Variants in CSGALNACT1 observed in about 807,000 individuals in gnomAD.
CSGALNACT1 encodes chondroitin sulfate N-acetylgalactosaminyltransferase 1.
CSGALNACT1 carries 52 observed loss-of-function variants against 51.0 expected under a neutral mutation model. The observed-to-expected ratio is 1.02, with a 90% confidence interval of 0.82 to 1.29. The LOEUF (loss-of-function observed/expected upper bound fraction) is 1.29, where lower values mean the gene tolerates loss of function less well. Ranked by LOEUF, CSGALNACT1 falls within the 50% of genes most tolerant of loss-of-function variation. CSGALNACT1 has a pLI of 0.00. For synonymous variants in CSGALNACT1, 341 were observed against 254.4 expected, an observed-to-expected ratio of 1.34 and a Z score of -3.24; for missense variants, 935 against 679.2, an observed-to-expected ratio of 1.38 and a Z score of -4.19.
At chr8:19,569,710 G>A (rs1011797972) in intron 3 of CSGALNACT1, among the ~76,000 whole-genome samples, 1 of 152,126 alleles carries the variant, frequency 6.6e-6, no homozygotes, top group African/African-American at 2.4e-5. Flanking sequence ...CTAGGCCTAT[G>A]CTATGACCCA....
At chr8:19,743,331 C>G (rs1445328855) in intron 1 of CSGALNACT1, among the ~76,000 whole-genome samples, 1 of 152,094 alleles carries the variant, frequency 6.6e-6, no homozygotes, top group African/African-American at 2.4e-5. Context: ...TGACAGTCAG[C>G]CCAGATTACA....
chr8:19,639,015 G>C (rs1319755375), intron 1 of CSGALNACT1, among the ~76,000 whole-genome samples: 2 of 152,010 alleles, frequency 1.3e-5, no homozygotes, highest in Non-Finnish European at 2.9e-5. Context: ...CACCAATAAA[G>C]AGGTATATCA....
intron 4 of CSGALNACT1, among the ~76,000 whole-genome samples, chr8:19,504,567 C>T (rs181047875): frequency 6.6e-6 from 1 of 152,096 alleles, no homozygotes; most frequent in African/African-American, 2.4e-5. Flanking sequence ...CTAGGCTGTC[C>T]TACGCCCGTG....
intron 1 of CSGALNACT1, among the ~76,000 whole-genome samples, chr8:19,658,350 G>T (rs1275434187): frequency 6.6e-6 from 1 of 152,138 alleles, no homozygotes; most frequent in Non-Finnish European, 1.5e-5. Flanking sequence ...AGCCCAAGGT[G>T]ATTAATATAA....
chr8:19,531,879 T>C (rs2082839460), intron 3 of CSGALNACT1: 1 of 152,314 alleles, frequency 6.6e-6, no homozygotes, highest in Non-Finnish European at 1.5e-5. Context: ...GCTCAATGTC[T>C]TTCCAGCAGA....
At chr8:19,634,170 C>T (rs1191320838) in intron 1 of CSGALNACT1, among the ~76,000 whole-genome samples, 2 of 152,202 alleles carry the variant, frequency 1.3e-5, no homozygotes, top group Admixed American at 6.5e-5. Flanking sequence ...ATTTTGAAAA[C>T]ATATTACTTT....
At chr8:19,469,979 A>G (rs1339257977) in intron 4 of CSGALNACT1, among the ~76,000 whole-genome samples, 4 of 152,190 alleles carry the variant, frequency 2.6e-5, no homozygotes, top group African/African-American at 7.2e-5. Context: ...AATAAATGCA[A>G]TAGGGTAGAA....
chr8:19,716,746 C>T (rs1050754380), intron 1 of CSGALNACT1, among the ~76,000 whole-genome samples: 1 of 151,122 alleles, frequency 6.6e-6, no homozygotes, highest in South Asian at 2.1e-4. Context: ...GGGCCAAGAT[C>T]GTACCACCGC....
At chr8:19,693,478 T>G (rs1158455361) in intron 1 of CSGALNACT1, among the ~76,000 whole-genome samples, 1 of 152,160 alleles carries the variant, frequency 6.6e-6, no homozygotes. Context: ...TCTTTGTAAC[T>G]AAGTACTTTC....
chr8:19,691,292 G>C lies in CSGALNACT1; in HGVS notation c.-297+66558C>G, dbSNP rs138942166. 1.3e-4 allele frequency among the ~76,000 whole-genome samples: 20 copies of C among 152,232 alleles called. No homozygotes were observed. The East Asian group carries it at 3.9e-3, about 29-fold the overall frequency. On this transcript the variant is annotated intron_variant, in intron 1 of 1. Coordinates refer to the CSGALNACT1 transcript ENST00000517494. ...CATAAATTTCAGCCAACGATGCACA[G>C]GCCTCCTCCCAAACACCGCTGAGCA...
At chr8:19,727,762 T>G (rs747953900) in intron 1 of CSGALNACT1, among the ~76,000 whole-genome samples, 1 of 152,178 alleles carries the variant, frequency 6.6e-6, no homozygotes, top group Non-Finnish European at 1.5e-5. Context: ...TTTCCCATCC[T>G]TCCTGACACG....
intron 1 of CSGALNACT1, among the ~76,000 whole-genome samples, chr8:19,741,560 C>CA (rs71545567): frequency 0.35 from 38,003 of 108,470 alleles, 6,442 homozygotes; most frequent in Middle Eastern, 0.42. Flanking sequence ...GAGACTCCAT[C>CA]AAAAAAAAAA....
rs1332245461 is a variant in CSGALNACT1, at chr8:19,601,865, G to A, written c.-510C>T. The A allele has an allele frequency of 3.1e-5, 14 of 453,822 alleles. No individual in the cohort carries two copies. The Admixed American group carries it at 3.3e-4, about 11-fold the overall frequency. The allele number at this position is 453,822 out of a possible 1,614,324, so 28.1% of individuals were successfully genotyped here. On this transcript the variant is annotated splice_region_variant and 5_prime_UTR_variant, in exon 2 of 10. Coordinates refer to ENST00000454498, the Ensembl canonical transcript of CSGALNACT1. ...CGTCTTTCCTTGAAATAGGAAGGCA[G>A]CTAAAATAAAATAAAAACAAAAGGC...
At chr8:19,413,159 C>T (rs141017496) in intron 8 of CSGALNACT1, among the ~76,000 whole-genome samples, 44 of 152,282 alleles carry the variant, frequency 2.9e-4, no homozygotes, top group African/African-American at 1.0e-3. Flanking sequence ...TCATAGAAAA[C>T]ACATTGTGTC....
At chr8:19,715,204 G>A (rs1197010345) in intron 1 of CSGALNACT1, among the ~76,000 whole-genome samples, 1 of 152,132 alleles carries the variant, frequency 6.6e-6, no homozygotes. Flanking sequence ...TCACTACCAC[G>A]AGAACAGTAT....
chr8:19,565,165 G>C (rs535276424), intron 3 of CSGALNACT1, among the ~76,000 whole-genome samples: 3 of 152,166 alleles, frequency 2.0e-5, no homozygotes, highest in African/African-American at 7.2e-5. Context: ...ACAGACTTTC[G>C]AAGTGTTTCT....
intron 3 of CSGALNACT1, among the ~76,000 whole-genome samples, chr8:19,561,436 A>T (rs2040692574): frequency 6.6e-6 from 1 of 152,234 alleles, no homozygotes; most frequent in Admixed American, 6.5e-5. Context: ...GATGAAAAAT[A>T]ATGGTGGAGG....
chr8:19,404,561 A>G (rs1392541780), exon 10 of CSGALNACT1: 1 of 453,262 alleles, frequency 2.2e-6, no homozygotes, highest in East Asian at 7.0e-5. Context: ...ACATGTAGCA[A>G]AAACTTCCAT....
intron 1 of CSGALNACT1, among the ~76,000 whole-genome samples, chr8:19,714,569 A>G (rs576228919): frequency 6.6e-6 from 1 of 151,540 alleles, no homozygotes; most frequent in Non-Finnish European, 1.5e-5. Context: ...CTTTTTAAAA[A>G]TTTTTTCTCT....
Sources: gnomAD v4.1 joint callset for allele counts (sites outside exome capture counted in the v4.1 genomes callset) on GRCh38, gnomAD v4.1.1 for gene constraint, MANE v1.5 for transcripts, NCBI Gene and HGNC (gene_info 2026-07-23, HGNC 2026-07-21) for gene names.